DENND4A: variants seen among roughly 807,000 people sequenced by gnomAD.
The protein encoded by DENND4A is DENN domain containing 4A, also known as C-myc promoter-binding protein.
In DENND4A, 70 loss-of-function variants were observed where a neutral mutation model predicts 199.3. That is an observed-to-expected ratio of 0.35 (90% CI 0.29 to 0.43). The LOEUF is 0.43. Among genes scored for constraint, DENND4A ranks in the 20% least tolerant of loss-of-function variants. The pLI is 1.00. For synonymous variants in DENND4A, 686 were observed against 766.9 expected (o/e 0.89, Z 1.74); for missense variants, 1,723 against 2,255.8 (o/e 0.76, Z 4.78).
intron 1 of DENND4A, chr15:65,771,483 A>T: frequency 6.2e-7 from 1 of 1,610,060 alleles, no homozygotes; most frequent in Non-Finnish European, 8.5e-7. Context: ...CTGGGATAGA[A>T]GGAATAAGGA....
chr15:65,749,924 A>G (rs542450228), intron 4 of DENND4A, among the ~76,000 whole-genome samples: 12 of 152,320 alleles, frequency 7.9e-5, no homozygotes, highest in Admixed American at 7.8e-4. Flanking sequence ...ATTCTTCCAG[A>G]GACACTCAAA....
Position 65,729,822 on chromosome 15 carries a change from G to A in DENND4A, c.1167-144C>T, listed in dbSNP as rs563915101. 73 of 726,352 alleles carry A rather than the reference G, an allele frequency of 1.0e-4. No individual in the cohort carries two copies. The African/African-American group carries it at 1.0e-3, about 10-fold the overall frequency. The allele number at this position is 726,352 out of a possible 1,614,324, so 45.0% of individuals were successfully genotyped here. A position where few individuals can be genotyped will look rare whatever the true frequency, so the allele number is the denominator to read the frequency against. Reference sequence around the variant, plus strand: ...GTACAATTTGTATTATATATTCACCGTTAAACATGATTGCTGCTATGATGC... The same window carrying A: ...GTACAATTTGTATTATATATTCACCATTAAACATGATTGCTGCTATGATGC... On this transcript the variant is annotated intron_variant, in intron 9 of 32. Coordinates refer to ENST00000443035, the MANE Select transcript of DENND4A (RefSeq NM_001320835.1).
chr15:65,751,208 G>C (rs1022967515), intron 4 of DENND4A, among the ~76,000 whole-genome samples: 1 of 152,128 alleles, frequency 6.6e-6, no homozygotes, highest in Non-Finnish European at 1.5e-5. Context: ...TTGTGAAGTG[G>C]CCATGTTCGA....
At chr15:65,684,282 A>G (rs745451497) in intron 23 of DENND4A, among the ~76,000 whole-genome samples, 2 of 152,192 alleles carry the variant, frequency 1.3e-5, no homozygotes, top group South Asian at 4.1e-4. Flanking sequence ...TAGCTTTTAA[A>G]GAAGCTGCCA....
intron 22 of DENND4A, 100 bp from the exon 23 acceptor site, chr15:65,691,611 GCACT>G: frequency 8.2e-7 from 1 of 1,226,322 alleles, no homozygotes; most frequent in Non-Finnish European, 1.1e-6. Context: ...ATAATAGCAA[GCACT>G]CACTGAGTGT....
In DENND4A at chr15:65,749,900, A is replaced by G. The variant is rs144066168; in HGVS notation, c.561+2479T>C. On this transcript the variant is annotated intron_variant, in intron 4 of 32. Transcript: ENST00000443035. Reference sequence around the variant, plus strand: ...GCATACTCATGGACCCATCAGTTCCACTTACAATTACTTATTCTTCCAGAG... The same window carrying G: ...GCATACTCATGGACCCATCAGTTCCGCTTACAATTACTTATTCTTCCAGAG... 1.8e-3 allele frequency among the ~76,000 whole-genome samples: 275 copies of G among 152,276 alleles called. 1 individual carries two copies. The highest frequency in any genetic ancestry group is 6.3e-3 in the African/African-American group (262 of 41,566).
intron 3 of DENND4A, among the ~76,000 whole-genome samples, 187 bp from the exon 4 acceptor site, chr15:65,752,815 T>C (rs551599816): frequency 6.6e-6 from 1 of 152,256 alleles, no homozygotes; most frequent in Admixed American, 6.5e-5. Context: ...AAAACTTTGT[T>C]TTAAGGAAAA....
chr15:65,772,418 C>G (rs1215539084), intron 1 of DENND4A, among the ~76,000 whole-genome samples: 1 of 151,872 alleles, frequency 6.6e-6, no homozygotes, highest in Non-Finnish European at 1.5e-5. Flanking sequence ...AGAAAAAGAC[C>G]AGATATTTGG....
At chr15:65,672,541 G>A (rs1165964741) in intron 24 of DENND4A, among the ~76,000 whole-genome samples, 2 of 151,676 alleles carry the variant, frequency 1.3e-5, no homozygotes, top group African/African-American at 2.4e-5. Flanking sequence ...TGGGGTAGGA[G>A]TCCAAATTTC....
intron 3 of DENND4A, among the ~76,000 whole-genome samples, chr15:65,752,861 A>AGAG (rs2076605043): frequency 1.3e-5 from 2 of 152,206 alleles, no homozygotes; most frequent in African/African-American, 2.4e-5. Context: ...AATATAAACC[A>AGAG]GAGAAAGGTA....
chr15:65,680,581 TGAGA>T (rs570192973), intron 23 of DENND4A: 97 of 152,296 alleles, frequency 6.4e-4, no homozygotes, highest in African/African-American at 2.3e-3. Context: ...GATTTTACAT[TGAGA>T]GACATTAAAT....
At chr15:65,756,980 T>C (rs1452467467) in intron 2 of DENND4A, among the ~76,000 whole-genome samples, 5 of 152,122 alleles carry the variant, frequency 3.3e-5, no homozygotes, top group African/African-American at 4.8e-5. Flanking sequence ...GAGGTTGCAG[T>C]GAGCCGAGAT....
At chr15:65,731,314 T>A (rs2075950086) in intron 9 of DENND4A, 3 of 352,756 alleles carry the variant, frequency 8.5e-6, no homozygotes, top group South Asian at 2.3e-5. Flanking sequence ...AAAGAAAAAA[T>A]TAATTGCATT....
intron 19 of DENND4A, 82 bp from the exon 20 acceptor site, chr15:65,700,757 A>G: frequency 7.5e-7 from 1 of 1,335,724 alleles, no homozygotes; most frequent in Non-Finnish European, 9.9e-7. Flanking sequence ...ATAATCCACC[A>G]ATGTAATACT....
At chr15:65,724,767 G>T (rs1375923416) in intron 11 of DENND4A, among the ~76,000 whole-genome samples, 12 of 152,192 alleles carry the variant, frequency 7.9e-5, no homozygotes, top group Admixed American at 7.9e-4. Flanking sequence ...AGGATCCTGT[G>T]TTATAGTAAG....
intron 15 of DENND4A, among the ~76,000 whole-genome samples, chr15:65,705,525 G>GT: frequency 6.6e-6 from 1 of 152,004 alleles, no homozygotes. Context: ...ACAATATATC[G>GT]TTTAAGTCTG....
At chr15:65,743,505 C>T (rs1043707345) in intron 4 of DENND4A, among the ~76,000 whole-genome samples, 3 of 152,148 alleles carry the variant, frequency 2.0e-5, no homozygotes, top group African/African-American at 7.2e-5. Context: ...AATTGCAACC[C>T]ATTCCCCTCT....
intron 29 of DENND4A, among the ~76,000 whole-genome samples, chr15:65,666,977 A>C (rs2076060080): frequency 6.6e-6 from 1 of 152,174 alleles, no homozygotes; most frequent in East Asian, 1.9e-4. Context: ...AGAAGAAAAT[A>C]TTATTTGTAA....
chr15:65,782,450 ACTTTT>A (rs1487461735), intron 1 of DENND4A, among the ~76,000 whole-genome samples: 1 of 152,114 alleles, frequency 6.6e-6, no homozygotes, highest in Admixed American at 6.6e-5. Flanking sequence ...TACTCTTCGA[ACTTTT>A]CTTATTTATT....
Sources: allele counts gnomAD v4.1 joint callset (sites outside exome capture counted in the v4.1 genomes callset), GRCh38; gene constraint gnomAD v4.1.1; transcripts MANE v1.5; gene names NCBI Gene and HGNC (gene_info 2026-07-23, HGNC 2026-07-21).